ATP13A2: variants seen among roughly 807,000 people sequenced by gnomAD.
The protein encoded by ATP13A2 is ATPase cation transporting 13A2.
Under a neutral mutation model 138.3 loss-of-function variants are expected in ATP13A2, and 83 were observed. The ratio of observed to expected loss-of-function variants is 0.60; its 90% confidence interval spans 0.50 to 0.72. ATP13A2 has a LOEUF of 0.72. ATP13A2 is among the 30% of genes least tolerant of loss of function. ATP13A2 has a pLI of 0.00. For missense variants in ATP13A2, 1,402 were observed against 1,606.4 expected (o/e 0.87, Z 2.17); for synonymous variants, 663 against 699.0 (o/e 0.95, Z 0.81).
At chr1:17,007,843 G>T (rs1159614493) in intron 1 of ATP13A2, among the ~76,000 whole-genome samples, 1 of 151,958 alleles carries the variant, frequency 6.6e-6, no homozygotes, top group East Asian at 1.9e-4. Context: ...GAGCCACAGC[G>T]CCCGGCGAGC....
At chr1:17,001,543 G>A (rs1218952372) in intron 8 of ATP13A2, among the ~76,000 whole-genome samples, 2 of 152,242 alleles carry the variant, frequency 1.3e-5, no homozygotes, top group Non-Finnish European at 2.9e-5. Flanking sequence ...CCGATCAGAG[G>A]GCTGGGATGT....
In ATP13A2 at chr1:16,995,471, A is replaced by ATTT; in HGVS notation, c.1542+502_1542+504dup. ...CTAGGGCCCCAGGTCCCCACCAGTA[A>ATTT]TTTTTTTTTTTTTTTGAGTTTTGCT... On this transcript the variant is annotated intron_variant, in intron 15 of 28. Coordinates refer to ENST00000326735, the MANE Select transcript of ATP13A2 (RefSeq NM_022089.4). This position sits in a 1 kb window ranked among gnomAD's most constrained non-coding sequence, Gnocchi z 4.1. The ATTT allele has an allele frequency of 4.2e-5, 9 of 214,042 alleles. No homozygotes were observed. The highest frequency in any genetic ancestry group is 1.2e-4 in the South Asian group (2 of 16,644). The allele number at this position is 214,042 out of a possible 1,614,324, so 13.3% of individuals were successfully genotyped here.
chr1:16,993,429 C>T (rs1382421563), intron 16 of ATP13A2, among the ~76,000 whole-genome samples, 200 bp downstream of exon 16: 1 of 152,164 alleles, frequency 6.6e-6, no homozygotes, highest in African/African-American at 2.4e-5. Context: ...GCTGGGGTCC[C>T]GGGCTCAAGT....
chr1:17,004,687 C>T lies in ATP13A2; in HGVS notation c.477+5G>A, dbSNP rs374708010. On this transcript the variant is annotated splice_donor_5th_base_variant and intron_variant, in intron 5 of 28. Transcript: ENST00000326735. This position sits in a 1 kb window ranked among gnomAD's most constrained non-coding sequence, Gnocchi z 4.1. The stretch of plus-strand genomic sequence containing the variant: ...GAGAGGGGCAAGGACTTTTTCAGAA[C>T]CCACCTGTCCGACACTCACCGCCTC... 3 of 1,614,060 alleles carry T rather than the reference C, an allele frequency of 1.9e-6. No individual in the cohort carries two copies. The highest frequency in any genetic ancestry group is 2.2e-5 in the East Asian group (1 of 44,890).
rs1320227153 is a variant in ATP13A2 at position 17,004,617 on chromosome 1, T to C, written c.477+75A>G. On this transcript the variant is annotated intron_variant, in intron 5 of 28. Coordinates refer to ENST00000326735, the MANE Select transcript of ATP13A2 (RefSeq NM_022089.4). The surrounding 1 kb of genome is among the most constrained non-coding windows in gnomAD (Gnocchi z 4.1). Reference sequence around the variant, plus strand: ...AGAACTAAAAGGTGGTGGGAGAACATGAAGTCTGACTCTCCCATTGCACAG... The same window carrying C: ...AGAACTAAAAGGTGGTGGGAGAACACGAAGTCTGACTCTCCCATTGCACAG... The C allele has an allele frequency of 1.2e-6, 2 of 1,611,868 alleles. No individual in the cohort carries two copies. The highest frequency in any genetic ancestry group is 1.7e-6 in the Non-Finnish European group (2 of 1,178,554).
intron 11 of ATP13A2, 106 bp from the exon 12 acceptor site, chr1:16,997,281 C>T (rs1371649477): frequency 1.4e-6 from 2 of 1,380,064 alleles, no homozygotes; most frequent in East Asian, 4.8e-5. Context: ...TCAGTTAACT[C>T]TGTAACCAGG....
Position 16,996,172 on chromosome 1 carries a change from G to A in ATP13A2, c.1354-8C>T. Reference sequence around the variant, plus strand: ...AATCTCATTCAGAGGCACCTGGCAGGGGGCACCATGAATGTGAGCACCTGG... The same window carrying A: ...AATCTCATTCAGAGGCACCTGGCAGAGGGCACCATGAATGTGAGCACCTGG... On this transcript the variant is annotated splice_polypyrimidine_tract_variant and splice_region_variant and intron_variant, in intron 14 of 28. Transcript: ENST00000326735. The A allele has an allele frequency of 6.2e-7, 1 of 1,614,158 alleles. No homozygotes were observed. Among genetic ancestry groups the A allele is most frequent in the Non-Finnish European group, 8.5e-7 (1 of 1,180,042 alleles).
chr1:17,005,798 A>G lies in ATP13A2; in HGVS notation c.11-20T>C. 6.3e-7 allele frequency: 1 copy of G among 1,594,474 alleles called. No individual in the cohort carries two copies. Among genetic ancestry groups the G allele is most frequent in the Non-Finnish European group, 8.5e-7 (1 of 1,169,888 alleles). ...TGCTGTCTGTGGACAGAAAAGAGAA[A>G]GGTCATTTGGGGAGGCACCTTCTCC... On this transcript the variant is annotated intron_variant, in intron 1 of 28. Transcript: ENST00000326735.
At chr1:16,998,039 C>A (rs2100948011) in intron 11 of ATP13A2, among the ~76,000 whole-genome samples, 1 of 152,322 alleles carries the variant, frequency 6.6e-6, no homozygotes, top group South Asian at 2.1e-4. Context: ...TGAATGCCTG[C>A]AGGCTGGGAC....
In ATP13A2 at chr1:16,995,649, T is replaced by TTGGTCAGGC; in HGVS notation, c.1542+318_1542+326dup. 2 of 404,722 alleles carry TTGGTCAGGC rather than the reference T, an allele frequency of 4.9e-6. No individual in the cohort carries two copies. The highest frequency in any genetic ancestry group is 9.4e-6 in the Non-Finnish European group (2 of 211,802). 25.1% of individuals were successfully genotyped at this position (404,722 alleles called of 1,614,324 possible). On this transcript the variant is annotated intron_variant, in intron 15 of 28. Coordinates refer to ENST00000326735, the MANE Select transcript of ATP13A2 (RefSeq NM_022089.4). This position sits in a 1 kb window ranked among gnomAD's most constrained non-coding sequence, Gnocchi z 4.1. ...TTTTAGTAGACGGGGTTTTGCCATGTTGGTCAGGCTGGTCTTGAACTCCTG... is the reference window on the plus strand; with the variant it reads ...TTTTAGTAGACGGGGTTTTGCCATGTTGGTCAGGCTGGTCAGGCTGGTCTTGAACTCCTG...
rs769045689 is a variant in ATP13A2, at chr1:16,992,011, C to A, written c.2124G>T (p.Thr708=). 1 of 1,612,350 alleles carries A rather than the reference C, an allele frequency of 6.2e-7. No homozygotes were observed. The highest frequency in any genetic ancestry group is 2.2e-5 in the East Asian group (1 of 44,846). Residue 708 remains threonine, a splice_region_variant and synonymous_variant, in exon 19 of 29, where the codon ACG becomes ACT. Transcript: ENST00000326735. ...VPSLEAAQQL[T]RDTVEGDLSL... Reference sequence around the variant, plus strand: ...GGTGGGACAGGAGACAGGCCCACCTCGTCAGTTGCTGGGCTGCCTCCAGGC... The same window carrying A: ...GGTGGGACAGGAGACAGGCCCACCTAGTCAGTTGCTGGGCTGCCTCCAGGC...
intron 25 of ATP13A2, among the ~76,000 whole-genome samples, chr1:16,987,873 G>A (rs2076791508): frequency 6.6e-6 from 1 of 152,180 alleles, no homozygotes; most frequent in Non-Finnish European, 1.5e-5. Flanking sequence ...TGCAGATTGG[G>A]GAGCTCCCAG....
chr1:17,004,977 C>G lies in ATP13A2; in HGVS notation c.347+37G>C. 6.2e-7 allele frequency: 1 copy of G among 1,613,120 alleles called. No individual in the cohort carries two copies. Among genetic ancestry groups the G allele is most frequent in the East Asian group, 2.2e-5 (1 of 44,874 alleles). ...GGGGAAGTTGGGGAGGCCAGGGTAG[C>G]AGGGGCTTCTGGGAAGGGGCAATGG... On this transcript the variant is annotated intron_variant, in intron 4 of 28. Transcript: ENST00000326735. This position sits in a 1 kb window ranked among gnomAD's most constrained non-coding sequence, Gnocchi z 4.1.
At chr1:16,999,861 A>C (rs1037454483) in intron 11 of ATP13A2, 150 bp downstream of exon 11, 1 of 1,119,722 alleles carries the variant, frequency 8.9e-7, no homozygotes, top group Non-Finnish European at 1.2e-6. Flanking sequence ...AGATCATGTC[A>C]CTGCACTCCA....
In ATP13A2 at chr1:17,004,392, T is replaced by A; in HGVS notation, c.497A>T (p.Tyr166Phe). ...SVGQKRVLRY[Y>F]LFQGQRYIWI... is the part of the protein sequence containing the mutation. Reference sequence around the variant, plus strand: ...GATATAGCGCTGGCCCTGGAAGAGGTAATACCGCAGCACCCGCTTCTGGGT... The same window carrying A: ...GATATAGCGCTGGCCCTGGAAGAGGAAATACCGCAGCACCCGCTTCTGGGT... Residue 166 changes from tyrosine (Y) to phenylalanine (F), a missense_variant, in exon 6 of 29, where the codon TAC becomes TTC. Physicochemically the swap from Tyr to Phe is conservative, Grantham distance 22. Coordinates refer to ENST00000326735, the MANE Select transcript of ATP13A2 (RefSeq NM_022089.4). The surrounding 1 kb of genome is among the most constrained non-coding windows in gnomAD (Gnocchi z 4.1). The A allele has an allele frequency of 6.2e-7, 1 of 1,613,778 alleles. No individual in the cohort carries two copies. The highest frequency in any genetic ancestry group is 8.5e-7 in the Non-Finnish European group (1 of 1,179,942).
At chr1:16,992,460 C>A in intron 17 of ATP13A2, 26 bp downstream of exon 17, 1 of 1,613,840 alleles carries the variant, frequency 6.2e-7, no homozygotes. Flanking sequence ...CTCTGCCCTG[C>A]ACCCAACAGG....
chr1:16,997,429 C>CGGGGG (rs2077179332), intron 11 of ATP13A2, among the ~76,000 whole-genome samples: 1 of 86,092 alleles, frequency 1.2e-5, no homozygotes, highest in Admixed American at 1.4e-4. Context: ...GGGGGTGGGT[C>CGGGGG]AGACAGAGCA....
chr1:16,993,300 C>T (rs915879277), intron 16 of ATP13A2, among the ~76,000 whole-genome samples: 5 of 152,184 alleles, frequency 3.3e-5, no homozygotes, highest in African/African-American at 9.6e-5. Flanking sequence ...CCTGTAGCCT[C>T]GCCCTCCCGG....
At position 17,005,058 on chromosome 1, in the gene ATP13A2, C is replaced by G; in HGVS notation, c.303G>C (p.Gln101His). The G allele has an allele frequency of 6.2e-7, 1 of 1,614,132 alleles. No individual in the cohort carries two copies. The highest frequency in any genetic ancestry group is 1.1e-5 in the South Asian group (1 of 91,086). The stretch of plus-strand genomic sequence containing the variant: ...CAGTCTGCACCTGGACAGTGAAGAG[C>G]TGCCAGGAACTATCCTGGAACACAG... ...EIRDKEDSSW[Q>H]LFTVQVQTEA... is the part of the protein sequence containing the mutation. Residue 101 changes from glutamine (Q) to histidine (H), a missense_variant, in exon 4 of 29, where the codon CAG becomes CAC. By Grantham distance (24) the Gln-to-His change is conservative. Coordinates refer to ENST00000326735, the MANE Select transcript of ATP13A2 (RefSeq NM_022089.4).
Sources: gnomAD v4.1 joint callset for allele counts (sites outside exome capture counted in the v4.1 genomes callset) on GRCh38, gnomAD v4.1.1 for gene constraint, Gnocchi (gnomAD v3.1) non-coding constraint, MANE v1.5 for transcripts, NCBI Gene and HGNC (gene_info 2026-07-23, HGNC 2026-07-21) for gene names.